Variants in MACROD2 observed in about 807,000 individuals in gnomAD.
MACROD2 encodes the protein ADP-ribose glycohydrolase MACROD2.
A neutral mutation model predicts 70.4 loss-of-function variants in MACROD2; 36 were observed. The observed-to-expected ratio is 0.51, with a 90% CI of 0.39 to 0.68. The LOEUF is 0.68. MACROD2 is among the 30% of genes least tolerant of loss of function. The pLI is 0.00. For synonymous variants in MACROD2, 172 were observed against 178.8 expected, an observed-to-expected ratio of 0.96 and a Z score of 0.30; for missense variants, 496 against 538.4, an observed-to-expected ratio of 0.92 and a Z score of 0.78.
intron 4 of MACROD2, among the ~76,000 whole-genome samples, chr20:14,505,383 A>G (rs1033710969): frequency 1.3e-5 from 2 of 152,212 alleles, no homozygotes; most frequent in Non-Finnish European, 2.9e-5. Context: ...CTTTGCATAT[A>G]TCAAGGAATA....
intron 5 of MACROD2, among the ~76,000 whole-genome samples, chr20:15,206,676 C>T (rs56040833): frequency 7.3e-6 from 1 of 137,078 alleles, no homozygotes; most frequent in Non-Finnish European, 1.6e-5. Flanking sequence ...ACAATGTACT[C>T]TTTGTGTCTA....
chr20:15,469,579 G>C (rs555767004), intron 7 of MACROD2, among the ~76,000 whole-genome samples: 2 of 152,248 alleles, frequency 1.3e-5, no homozygotes, highest in South Asian at 2.1e-4. Flanking sequence ...AAGCAGAGGA[G>C]GGGGAGAGAA....
At chr20:14,333,841 A>G (rs2122626854) in intron 3 of MACROD2, among the ~76,000 whole-genome samples, 1 of 152,342 alleles carries the variant, frequency 6.6e-6, no homozygotes, top group East Asian at 1.9e-4. Context: ...TCAACAACAC[A>G]TAAACTGATC....
chr20:15,905,043 C>T (rs1275729234), intron 10 of MACROD2, among the ~76,000 whole-genome samples: 2 of 152,138 alleles, frequency 1.3e-5, no homozygotes, highest in Non-Finnish European at 2.9e-5. Context: ...ATATTCTTTA[C>T]CTCATGTCTC....
chr20:15,653,996 C>G (rs556217757), intron 8 of MACROD2, among the ~76,000 whole-genome samples: 193 of 151,912 alleles, frequency 1.3e-3, no homozygotes, highest in African/African-American at 4.4e-3. Flanking sequence ...TATGTCCCTC[C>G]GACTAGGGCA....
At chr20:14,482,391 A>C (rs2084672931) in intron 3 of MACROD2, among the ~76,000 whole-genome samples, 1 of 151,996 alleles carries the variant, frequency 6.6e-6, no homozygotes, top group Non-Finnish European at 1.5e-5. Context: ...ATACAGAAAC[A>C]GGGATTATAT....
At chr20:15,711,145 C>A (rs894298835) in intron 8 of MACROD2, among the ~76,000 whole-genome samples, 1 of 152,122 alleles carries the variant, frequency 6.6e-6, no homozygotes, top group African/African-American at 2.4e-5. Flanking sequence ...GACAGGTAAT[C>A]GGTAAATAGG....
intron 3 of MACROD2, among the ~76,000 whole-genome samples, chr20:14,406,859 C>A (rs978868041): frequency 6.6e-6 from 1 of 152,096 alleles, no homozygotes; most frequent in African/African-American, 2.4e-5. Context: ...CTGATGATCC[C>A]AAAATTAAGT....
At chr20:15,718,699 A>C (rs532314183) in intron 8 of MACROD2, among the ~76,000 whole-genome samples, 1 of 152,242 alleles carries the variant, frequency 6.6e-6, no homozygotes, top group Non-Finnish European at 1.5e-5. Context: ...AAGTCCACGG[A>C]TATTTCAAAA....
intron 4 of MACROD2, among the ~76,000 whole-genome samples, chr20:14,585,039 T>C (rs1303441712): frequency 6.6e-6 from 1 of 152,196 alleles, no homozygotes; most frequent in Non-Finnish European, 1.5e-5. Flanking sequence ...GGTGCCAGTA[T>C]CCTTAGTTGT....
chr20:14,427,222 T>C (rs2083943783), intron 3 of MACROD2, among the ~76,000 whole-genome samples: 1 of 152,050 alleles, frequency 6.6e-6, no homozygotes, highest in South Asian at 2.1e-4. Flanking sequence ...CCTCCCAGTC[T>C]GGTTTCAGCA....
At chr20:14,681,012 A>G (rs2070925549) in intron 4 of MACROD2, among the ~76,000 whole-genome samples, 1 of 152,208 alleles carries the variant, frequency 6.6e-6, no homozygotes, top group Non-Finnish European at 1.5e-5. Context: ...AAAATAAGAT[A>G]TATGAATGGC....
chr20:15,566,276 G>A (rs1445223858), intron 8 of MACROD2, among the ~76,000 whole-genome samples: 1 of 152,056 alleles, frequency 6.6e-6, no homozygotes, highest in Non-Finnish European at 1.5e-5. Flanking sequence ...TTGAGGCCAA[G>A]AGTTCAAGAC....
rs188985876 is a variant in MACROD2, at chr20:14,029,096, T to C, written c.163+26692T>C. On this transcript the variant is annotated intron_variant, in intron 2 of 17. Coordinates refer to ENST00000684519, the MANE Select transcript of MACROD2 (RefSeq NM_001351661.2). ...AGGTTTTCAGACAGTTGCTAGCTCA[T>C]ATTCTTTCTTCAACTGTTCGTTAAA... Among the ~76,000 whole-genome samples, 1,071 of 152,340 alleles carry C rather than the reference T, an allele frequency of 7.0e-3. 45 individuals are homozygous for C. The highest frequency in any genetic ancestry group is 0.067 in the Admixed American group (1,022 of 15,302).
chr20:15,867,264 G>A (rs2064506382), intron 9 of MACROD2, among the ~76,000 whole-genome samples: 1 of 152,154 alleles, frequency 6.6e-6, no homozygotes, highest in South Asian at 2.1e-4. Flanking sequence ...AGATATGAGG[G>A]TTAGGCCTTC....
At chr20:14,292,818 A>G (rs1387853517) in intron 3 of MACROD2, among the ~76,000 whole-genome samples, 3 of 151,822 alleles carry the variant, frequency 2.0e-5, no homozygotes, top group Non-Finnish European at 2.9e-5. Context: ...TACTTTTAGT[A>G]GAGATGGGGT....
chr20:14,390,527 T>A (rs1377942512), intron 3 of MACROD2, among the ~76,000 whole-genome samples: 2 of 152,190 alleles, frequency 1.3e-5, no homozygotes, highest in African/African-American at 4.8e-5. Context: ...AACAGCATGG[T>A]ACTGGCACAA....
chr20:14,097,191 G>A (rs1312926672), intron 3 of MACROD2, among the ~76,000 whole-genome samples: 1 of 152,180 alleles, frequency 6.6e-6, no homozygotes, highest in Non-Finnish European at 1.5e-5. Flanking sequence ...TGTTTACAGT[G>A]ACTAGGTCCT....
rs182892292 is a variant in MACROD2 at position 15,808,626 on chromosome 20, A to G, written c.646-54119A>G. Among the ~76,000 whole-genome samples the G allele has an allele frequency of 6.1e-3, 936 of 152,296 alleles. 7 individuals are homozygous for G. The highest frequency in any genetic ancestry group is 0.014 in the Middle Eastern group (4 of 294). ...ACTAAATTTGTTTCATTAATAAGCT[A>G]GGTTTTTAAAAACACAATTATCATT... On this transcript the variant is annotated intron_variant, in intron 8 of 17. Transcript: ENST00000684519.
Sources: gnomAD v4.1 joint callset for allele counts (sites outside exome capture counted in the v4.1 genomes callset) on GRCh38, gnomAD v4.1.1 for gene constraint, MANE v1.5 for transcripts, NCBI Gene and HGNC (gene_info 2026-07-23, HGNC 2026-07-21) for gene names.